BTBD9: variants seen among roughly 807,000 people sequenced by gnomAD.
BTBD9 encodes the protein BTB/POZ domain-containing protein 9.
Under a neutral mutation model 64.3 loss-of-function variants are expected in BTBD9, and 49 were observed. The observed-to-expected ratio is 0.76, with a 90% CI of 0.61 to 0.97. The LOEUF (loss-of-function observed/expected upper bound fraction) is 0.97. Among genes scored for constraint, BTBD9 ranks in the 50% least tolerant of loss-of-function variants. The probability of loss-of-function intolerance (pLI) is 0.00; values close to 1 mark genes in which losing one functional copy is unlikely to be tolerated. For synonymous variants in BTBD9, 260 were observed against 274.7 expected (o/e 0.95, Z 0.53); for missense variants, 598 against 762.1 (o/e 0.78, Z 2.53).
At chr6:38,417,023 T>G (rs1303126987) in intron 6 of BTBD9, among the ~76,000 whole-genome samples, 1 of 152,168 alleles carries the variant, frequency 6.6e-6, no homozygotes, top group African/African-American at 2.4e-5. Context: ...CGTAACCTTG[T>G]CCTCCTGGGC....
chr6:38,483,977 C>T (rs1771281704), intron 6 of BTBD9, among the ~76,000 whole-genome samples: 1 of 152,200 alleles, frequency 6.6e-6, no homozygotes. Context: ...TTCTCTCTCT[C>T]CTACTACAAT....
At chr6:38,229,070 T>A (rs971147010) in intron 9 of BTBD9, among the ~76,000 whole-genome samples, 1 of 150,112 alleles carries the variant, frequency 6.7e-6, no homozygotes, top group Non-Finnish European at 1.5e-5. Flanking sequence ...TGATGATGGG[T>A]GCCTGTAATC....
chr6:38,505,608 AGC>A (rs1348929432), intron 6 of BTBD9, among the ~76,000 whole-genome samples: 1 of 151,550 alleles, frequency 6.6e-6, no homozygotes, highest in East Asian at 1.9e-4. Context: ...TGAGCGACAC[AGC>A]GAGACTCTGT....
rs1289674031 is a variant in BTBD9, at chr6:38,597,891, A to G, written c.185+19T>C. On this transcript the variant is annotated intron_variant, in intron 2 of 10. Coordinates refer to ENST00000481247, the MANE Select transcript of BTBD9 (RefSeq NM_001099272.2). ...TCTACAAGTGAACTAAATTTTCAAA[A>G]AAAGTATTACACACTTACCGAAAAT... is the stretch of plus-strand genomic sequence containing the variant. 7 of 1,604,010 alleles carry G rather than the reference A, an allele frequency of 4.4e-6. No homozygotes were observed. Among genetic ancestry groups the G allele is most frequent in the African/African-American group, 1.3e-5 (1 of 74,296 alleles).
chr6:38,255,035 A>G (rs908773583), intron 9 of BTBD9, among the ~76,000 whole-genome samples: 4 of 152,366 alleles, frequency 2.6e-5, no homozygotes, highest in African/African-American at 9.6e-5. Context: ...TGAAGAATGG[A>G]TAAACAAATG....
chr6:38,283,562 T>C (rs576878080), intron 8 of BTBD9, among the ~76,000 whole-genome samples: 2 of 152,254 alleles, frequency 1.3e-5, no homozygotes, highest in South Asian at 2.1e-4. Context: ...AGTGGGAGGA[T>C]TGCTTGAGCC....
At chr6:38,341,298 C>T (rs533812544) in intron 7 of BTBD9, among the ~76,000 whole-genome samples, 85 of 152,136 alleles carry the variant, frequency 5.6e-4, no homozygotes, top group African/African-American at 1.7e-3. Flanking sequence ...GGTAGTATGA[C>T]GGTATTGTGT....
chr6:38,318,855 C>A (rs1763125944), intron 7 of BTBD9, among the ~76,000 whole-genome samples: 1 of 152,198 alleles, frequency 6.6e-6, no homozygotes, highest in Non-Finnish European at 1.5e-5. Context: ...ACCTTCAGGG[C>A]AGTGAGTTCC....
chr6:38,293,444 C>G (rs1171849715), intron 7 of BTBD9, among the ~76,000 whole-genome samples: 1 of 152,170 alleles, frequency 6.6e-6, no homozygotes, highest in African/African-American at 2.4e-5. Flanking sequence ...GTAACCAAAA[C>G]AGCATGGTAC....
chr6:38,345,277 G>T (rs962231431), intron 6 of BTBD9, among the ~76,000 whole-genome samples, 184 bp from the exon 7 acceptor site: 1 of 152,120 alleles, frequency 6.6e-6, no homozygotes, highest in Non-Finnish European at 1.5e-5. Flanking sequence ...GAACCTAGAA[G>T]AATTATAGCA....
chr6:38,328,714 G>A (rs1049977272), intron 7 of BTBD9, among the ~76,000 whole-genome samples: 2 of 151,792 alleles, frequency 1.3e-5, no homozygotes, highest in African/African-American at 2.4e-5. Flanking sequence ...TTGGGAGGCC[G>A]AGGTGGGTGG....
At chr6:38,599,545 A>G (rs1173508983) in intron 1 of BTBD9, among the ~76,000 whole-genome samples, 1 of 152,230 alleles carries the variant, frequency 6.6e-6, no homozygotes, top group African/African-American at 2.4e-5. Flanking sequence ...GGTAGTTGAT[A>G]GCTCAGAGGT....
intron 6 of BTBD9, among the ~76,000 whole-genome samples, chr6:38,404,040 A>G (rs1002704541): frequency 3.9e-5 from 6 of 152,230 alleles, no homozygotes; most frequent in African/African-American, 1.4e-4. Context: ...AAATCCATAA[A>G]GACATAAAGC....
intron 6 of BTBD9, among the ~76,000 whole-genome samples, chr6:38,537,790 A>G (rs1774087012): frequency 6.6e-6 from 1 of 152,202 alleles, no homozygotes; most frequent in Non-Finnish European, 1.5e-5. Flanking sequence ...CTTTGCCAGT[A>G]GGTGTAGCGA....
chr6:38,365,418 T>C (rs968310145), intron 6 of BTBD9, among the ~76,000 whole-genome samples: 1 of 152,104 alleles, frequency 6.6e-6, no homozygotes, highest in South Asian at 2.1e-4. Flanking sequence ...GTACCATCCA[T>C]ACCAGCAAGA....
In BTBD9 at chr6:38,521,190, C is replaced by G. The variant is rs1339361931; in HGVS notation, c.1154+56410G>C. 2.0e-5 allele frequency among the ~76,000 whole-genome samples: 3 copies of G among 151,922 alleles called. No homozygotes were observed. The East Asian group carries it at 5.8e-4, about 29-fold the overall frequency. Reference sequence around the variant, plus strand: ...CACCACCTCAGTTCAAATCGCCACTCTGCCCTTTATTGAATGTATGGTTTA... The same window carrying G: ...CACCACCTCAGTTCAAATCGCCACTGTGCCCTTTATTGAATGTATGGTTTA... On this transcript the variant is annotated intron_variant, in intron 6 of 10. Transcript: ENST00000481247.
chr6:38,514,988 A>G (rs1020998944), intron 6 of BTBD9, among the ~76,000 whole-genome samples: 1 of 152,108 alleles, frequency 6.6e-6, no homozygotes, highest in East Asian at 1.9e-4. Flanking sequence ...TTATGATTTT[A>G]TTTCAATTTT....
At chr6:38,256,878 T>A (rs150024503) in intron 8 of BTBD9, among the ~76,000 whole-genome samples, 86 of 152,058 alleles carry the variant, frequency 5.7e-4, no homozygotes, top group Admixed American at 3.1e-3. Flanking sequence ...TAATTTCGAG[T>A]TGATTTTTAT....
At chr6:38,300,488 T>A (rs545359158) in intron 7 of BTBD9, among the ~76,000 whole-genome samples, 1 of 152,358 alleles carries the variant, frequency 6.6e-6, no homozygotes, top group Non-Finnish European at 1.5e-5. Context: ...TTCCTACCCA[T>A]GAGCATGGAA....
Sources: gnomAD v4.1 joint callset for allele counts (sites outside exome capture counted in the v4.1 genomes callset) on GRCh38, gnomAD v4.1.1 for gene constraint, MANE v1.5 for transcripts, NCBI Gene and HGNC (gene_info 2026-07-23, HGNC 2026-07-21) for gene names.